The following OSTN variants were observed in gnomAD, a reference collection of about 807,000 sequenced individuals.
OSTN encodes the protein osteocrin.
A neutral mutation model predicts 12.0 loss-of-function variants in OSTN; 9 were observed. The ratio of observed to expected loss-of-function variants is 0.75; its 90% CI spans 0.45 to 1.30. The LOEUF (loss-of-function observed/expected upper bound fraction) is 1.30. Ranked by LOEUF, OSTN falls within the 50% of genes most tolerant of loss-of-function variation. The pLI is 0.00. For synonymous variants in OSTN, 59 were observed against 56.9 expected (o/e 1.04, Z -0.16); for missense variants, 148 against 152.3 (o/e 0.97, Z 0.15).
intron 1 of OSTN, among the ~76,000 whole-genome samples, chr3:191,207,834 T>TTA (rs1714317402): frequency 6.6e-6 from 1 of 152,186 alleles, no homozygotes; most frequent in Non-Finnish European, 1.5e-5. Flanking sequence ...TGACAAAACT[T>TTA]TATACCTCAC....
At chr3:191,246,103 A>G (rs117018935) in intron 3 of OSTN, among the ~76,000 whole-genome samples, 4,389 of 144,098 alleles carry the variant, frequency 0.03, 198 homozygotes, top group East Asian at 0.23. Context: ...GAGTAAACGT[A>G]TTATTTTTTC....
intron 2 of OSTN, among the ~76,000 whole-genome samples, chr3:191,214,846 C>T (rs911886364): frequency 6.6e-6 from 1 of 152,126 alleles, no homozygotes; most frequent in Non-Finnish European, 1.5e-5. Context: ...AACTCCATCT[C>T]TACCAAAAAT....
At chr3:191,216,565 G>A (rs1279915323) in intron 2 of OSTN, among the ~76,000 whole-genome samples, 1 of 152,074 alleles carries the variant, frequency 6.6e-6, no homozygotes, top group African/African-American at 2.4e-5. Flanking sequence ...ACATAAAACT[G>A]AATGCTTTTA....
chr3:191,215,591 C>T (rs1714588466), intron 2 of OSTN, among the ~76,000 whole-genome samples: 1 of 152,238 alleles, frequency 6.6e-6, no homozygotes, highest in African/African-American at 2.4e-5. Flanking sequence ...AATAAACCCA[C>T]TCCAAATGGG....
At chr3:191,235,845 C>T (rs371814042) in intron 3 of OSTN, among the ~76,000 whole-genome samples, 4 of 152,186 alleles carry the variant, frequency 2.6e-5, no homozygotes, top group South Asian at 2.1e-4. Flanking sequence ...GAAAGTGAAG[C>T]AGTTCTTGGT....
chr3:191,239,240 G>T (rs539448272), intron 3 of OSTN, among the ~76,000 whole-genome samples: 92 of 152,344 alleles, frequency 6.0e-4, no homozygotes, highest in Admixed American at 1.0e-3. Context: ...GGGGCCCAAG[G>T]GCCCTGTTAT....
At chr3:191,224,124 T>C (rs1292149371) in intron 3 of OSTN, among the ~76,000 whole-genome samples, 1 of 152,128 alleles carries the variant, frequency 6.6e-6, no homozygotes, top group African/African-American at 2.4e-5. Context: ...ATGCCTGTAA[T>C]CCCAGCACTT....
At chr3:191,227,680 G>A (rs1352207722) in intron 3 of OSTN, among the ~76,000 whole-genome samples, 1 of 152,126 alleles carries the variant, frequency 6.6e-6, no homozygotes, top group African/African-American at 2.4e-5. Context: ...GGGAACGACT[G>A]TTTTTCTGAG....
intron 3 of OSTN, among the ~76,000 whole-genome samples, chr3:191,245,699 C>T (rs1665928989): frequency 6.6e-6 from 1 of 152,076 alleles, no homozygotes; most frequent in African/African-American, 2.4e-5. Context: ...ACTTATTTAC[C>T]TTCATTTTTG....
chr3:191,228,162 TG>T lies in OSTN; in HGVS notation c.317+9203del, dbSNP rs1714961107. 2.0e-5 allele frequency among the ~76,000 whole-genome samples: 3 copies of T among 152,218 alleles called. No homozygotes were observed. In the South Asian group the frequency reaches 6.2e-4, roughly 32 times the overall value. On this transcript the variant is annotated intron_variant, in intron 3 of 4. Transcript: ENST00000682035. ...TTAGCTAATCAGAATGTCCTCAAAT[TG>T]GCTCTTGAGTTCTTTTGACCTGAAA...
intron 3 of OSTN, among the ~76,000 whole-genome samples, chr3:191,228,348 A>G (rs889097337): frequency 1.3e-5 from 2 of 152,188 alleles, no homozygotes; most frequent in South Asian, 2.1e-4. Flanking sequence ...TTCATTTTCA[A>G]TGGGCATTTG....
intron 1 of OSTN, among the ~76,000 whole-genome samples, chr3:191,206,520 A>G (rs1033613544): frequency 2.6e-5 from 4 of 152,230 alleles, no homozygotes; most frequent in Admixed American, 2.6e-4. Flanking sequence ...TGAGGAACTC[A>G]TCCAGTCAGT....
At chr3:191,216,793 T>C (rs1256535406) in intron 2 of OSTN, among the ~76,000 whole-genome samples, 8 of 152,332 alleles carry the variant, frequency 5.3e-5, no homozygotes, top group Admixed American at 4.6e-4. Flanking sequence ...GACTTCATTG[T>C]CCATAAAACT....
chr3:191,262,529 G>A (rs1430174252), intron 4 of OSTN, among the ~76,000 whole-genome samples: 2 of 152,054 alleles, frequency 1.3e-5, no homozygotes, highest in South Asian at 2.1e-4. Context: ...TGTTTGTCAC[G>A]GCAGTATCCT....
Position 191,220,483 on chromosome 3 carries a change from T to C in OSTN, c.317+1522T>C, listed in dbSNP as rs138589154. ...TAACATAGTATTATTTATAACAAATTGTAATACAAGAAATGATGAAGAGAA... is the reference window on the plus strand; with the variant it reads ...TAACATAGTATTATTTATAACAAATCGTAATACAAGAAATGATGAAGAGAA... On this transcript the variant is annotated intron_variant, in intron 3 of 4. Coordinates refer to ENST00000682035, the MANE Select transcript of OSTN (RefSeq NM_198184.2). Among the ~76,000 whole-genome samples the C allele has an allele frequency of 3.4e-3, 515 of 152,198 alleles. 2 individuals are homozygous for C. Among genetic ancestry groups the C allele is most frequent in the African/African-American group, 0.012 (487 of 41,532 alleles).
chr3:191,243,986 G>A (rs974825399), intron 3 of OSTN, among the ~76,000 whole-genome samples: 12 of 152,190 alleles, frequency 7.9e-5, no homozygotes, highest in African/African-American at 2.9e-4. Flanking sequence ...CTCTGGGACT[G>A]AGCCATGAGA....
At chr3:191,241,327 C>G (rs925974973) in intron 3 of OSTN, among the ~76,000 whole-genome samples, 6 of 151,732 alleles carry the variant, frequency 4.0e-5, no homozygotes, top group East Asian at 1.9e-4. Context: ...GGAATACAGG[C>G]GCTCGCCAGC....
At chr3:191,262,004 G>A (rs1715822631) in intron 4 of OSTN, among the ~76,000 whole-genome samples, 1 of 152,158 alleles carries the variant, frequency 6.6e-6, no homozygotes, top group Admixed American at 6.5e-5. Flanking sequence ...ATCACCTGAG[G>A]TCAGGAGTTT....
chr3:191,249,814 G>C (rs541594582), intron 3 of OSTN, among the ~76,000 whole-genome samples: 33 of 152,220 alleles, frequency 2.2e-4, no homozygotes, highest in South Asian at 1.7e-3. Context: ...ACTTCTCTAA[G>C]CCTCAGTTTC....
Sources: gnomAD v4.1 joint callset for allele counts (sites outside exome capture counted in the v4.1 genomes callset) on GRCh38, gnomAD v4.1.1 for gene constraint, MANE v1.5 for transcripts, NCBI Gene and HGNC (gene_info 2026-07-23, HGNC 2026-07-21) for gene names.